The following ROBO2 variants were observed in gnomAD, a reference collection of about 807,000 sequenced individuals.
ROBO2 encodes roundabout guidance receptor 2.
Under a neutral mutation model 160.8 loss-of-function variants are expected in ROBO2, and 53 were observed. The observed-to-expected ratio is 0.33, with a 90% CI of 0.26 to 0.41. ROBO2 has a LOEUF of 0.41. Among genes scored for constraint, ROBO2 ranks in the 10% least tolerant of loss-of-function variants. The probability of loss-of-function intolerance (pLI) is 1.00; values close to 1 mark genes in which losing one functional copy is unlikely to be tolerated. For synonymous variants in ROBO2, 664 were observed against 611.7 expected (o/e 1.09, Z -1.26); for missense variants, 1,577 against 1,722.4 (o/e 0.92, Z 1.49).
At chr3:76,134,434 G>A (rs887795192) in intron 2 of ROBO2, among the ~76,000 whole-genome samples, 9 of 152,082 alleles carry the variant, frequency 5.9e-5, no homozygotes, top group Non-Finnish European at 1.2e-4. Context: ...ATTATGTTAT[G>A]TTCTATGGCA....
chr3:76,561,813 A>G (rs193290270), intron 2 of ROBO2, among the ~76,000 whole-genome samples: 1 of 151,972 alleles, frequency 6.6e-6, no homozygotes, highest in Admixed American at 6.6e-5. Flanking sequence ...TTGCTCTTAC[A>G]CTCCCTCTCA....
chr3:76,261,211 T>C (rs1421876727), intron 2 of ROBO2, among the ~76,000 whole-genome samples: 1 of 146,466 alleles, frequency 6.8e-6, no homozygotes, highest in African/African-American at 2.5e-5. Flanking sequence ...TGTATATATA[T>C]ATATAAATGA....
chr3:77,148,721 C>A (rs1051462488), intron 2 of ROBO2, among the ~76,000 whole-genome samples: 1 of 152,064 alleles, frequency 6.6e-6, no homozygotes, highest in Admixed American at 6.5e-5. Flanking sequence ...TTATGTCAAG[C>A]AAATACCGCT....
intron 1 of ROBO2, among the ~76,000 whole-genome samples, chr3:77,047,614 A>G (rs1225303624): frequency 1.3e-5 from 2 of 151,002 alleles, no homozygotes; most frequent in Admixed American, 1.3e-4. Flanking sequence ...ATTTGAACCC[A>G]GGAGGTGGAG....
At chr3:77,065,923 G>C (rs2149799807) in intron 1 of ROBO2, among the ~76,000 whole-genome samples, 1 of 152,170 alleles carries the variant, frequency 6.6e-6, no homozygotes, top group African/African-American at 2.4e-5. Flanking sequence ...AGATACATCT[G>C]TTTTTGCAAA....
At chr3:76,191,202 ACTCTAGG>A (rs1701988598) in intron 2 of ROBO2, among the ~76,000 whole-genome samples, 1 of 152,116 alleles carries the variant, frequency 6.6e-6, no homozygotes, top group East Asian at 1.9e-4. Flanking sequence ...TTAAGAAGTA[ACTCTAGG>A]CTTAAATATT....
rs114472001 is a variant in ROBO2, at chr3:77,636,630, A to G, written c.3934+1587A>G. 8.3e-3 allele frequency among the ~76,000 whole-genome samples: 1,262 copies of G among 152,150 alleles called. 20 individuals are homozygous for G. Among genetic ancestry groups the G allele is most frequent in the African/African-American group, 0.029 (1,202 of 41,534 alleles). On this transcript the variant is annotated intron_variant, in intron 24 of 25. Coordinates refer to ENST00000461745, the Ensembl canonical transcript of ROBO2. ...AAAGGAAGAAGGAAAATAAAAGTAG[A>G]ATGATGGAAATGATTGACTTCCAAT...
intron 2 of ROBO2, among the ~76,000 whole-genome samples, chr3:76,886,351 A>G (rs2073886256): frequency 6.6e-6 from 1 of 151,904 alleles, no homozygotes; most frequent in South Asian, 2.1e-4. Flanking sequence ...AACTGTTTCT[A>G]TGGAGATTTA....
At chr3:76,822,163 C>T (rs1360836891) in intron 2 of ROBO2, among the ~76,000 whole-genome samples, 1 of 151,762 alleles carries the variant, frequency 6.6e-6, no homozygotes, top group Non-Finnish European at 1.5e-5. Flanking sequence ...AATTGAATTC[C>T]CACTGGGTGT....
intron 5 of ROBO2, among the ~76,000 whole-genome samples, chr3:77,519,795 C>T (rs1051675090): frequency 8.6e-5 from 13 of 151,364 alleles, no homozygotes; most frequent in Admixed American, 2.0e-4. Context: ...GGTATATACA[C>T]GGTAATTGGA....
chr3:76,312,636 C>CT (rs1157456107), intron 2 of ROBO2, among the ~76,000 whole-genome samples: 2 of 152,146 alleles, frequency 1.3e-5, no homozygotes, highest in Admixed American at 1.3e-4. Context: ...TTCTTGCAAA[C>CT]TGCAAGCAGT....
At chr3:77,141,202 G>A (rs961434610) in intron 2 of ROBO2, among the ~76,000 whole-genome samples, 8 of 152,218 alleles carry the variant, frequency 5.3e-5, no homozygotes, top group Non-Finnish European at 7.4e-5. Flanking sequence ...AATGTAATGC[G>A]TTGTGAGTCT....
At chr3:76,042,676 C>A (rs2067309185) in intron 2 of ROBO2, among the ~76,000 whole-genome samples, 1 of 152,006 alleles carries the variant, frequency 6.6e-6, no homozygotes, top group South Asian at 2.1e-4. Context: ...CAAAACCAGG[C>A]CTGGGCCTGT....
chr3:77,174,510 A>G (rs2150772755), intron 2 of ROBO2, among the ~76,000 whole-genome samples: 1 of 152,194 alleles, frequency 6.6e-6, no homozygotes, highest in African/African-American at 2.4e-5. Flanking sequence ...CCTTATCCCC[A>G]TGCCATCTTT....
At chr3:76,415,139 G>A (rs550302423) in intron 2 of ROBO2, among the ~76,000 whole-genome samples, 1 of 152,150 alleles carries the variant, frequency 6.6e-6, no homozygotes, top group South Asian at 2.1e-4. Context: ...AGAATCTCCT[G>A]TGTTTCTCAT....
chr3:76,361,505 A>T (rs926751955), intron 2 of ROBO2, among the ~76,000 whole-genome samples: 2 of 152,144 alleles, frequency 1.3e-5, no homozygotes, highest in African/African-American at 4.8e-5. Flanking sequence ...GTAAAACAAA[A>T]GAAAGCAGAA....
At chr3:76,911,362 C>T (rs1467851398) in intron 2 of ROBO2, among the ~76,000 whole-genome samples, 2 of 152,014 alleles carry the variant, frequency 1.3e-5, no homozygotes, top group Admixed American at 1.3e-4. Context: ...AACCTTTTCC[C>T]CTTAAAATCA....
At chr3:76,649,969 A>C (rs899452139) in intron 2 of ROBO2, among the ~76,000 whole-genome samples, 1 of 152,172 alleles carries the variant, frequency 6.6e-6, no homozygotes, top group East Asian at 1.9e-4. Context: ...TAAATCGTGA[A>C]TATTCCTCTG....
chr3:77,380,647 T>A (rs2073319079), intron 2 of ROBO2, among the ~76,000 whole-genome samples: 1 of 151,784 alleles, frequency 6.6e-6, no homozygotes, highest in Admixed American at 6.6e-5. Context: ...ACCTTCTTTT[T>A]TTCTCCCTCT....
Sources: allele counts gnomAD v4.1 joint callset (sites outside exome capture counted in the v4.1 genomes callset), GRCh38; gene constraint gnomAD v4.1.1; transcripts MANE v1.5; gene names NCBI Gene and HGNC (gene_info 2026-07-23, HGNC 2026-07-21).